Variants in PALMD observed in about 807,000 individuals in gnomAD.
PALMD encodes paralemmin-like protein.
In PALMD, 42 loss-of-function variants were observed where a neutral mutation model predicts 56.2. The ratio of observed to expected loss-of-function variants is 0.75; its 90% confidence interval spans 0.58 to 0.97. The LOEUF (loss-of-function observed/expected upper bound fraction) is 0.97. PALMD is among the 50% of genes least tolerant of loss of function. The pLI is 0.00. For synonymous variants in PALMD, 242 were observed against 222.9 expected, an observed-to-expected ratio of 1.09 and a Z score of -0.76; for missense variants, 660 against 643.8, an observed-to-expected ratio of 1.03 and a Z score of -0.27.
Position 99,688,756 on chromosome 1 carries a change from C to A in PALMD, c.515-19C>A. ...AAGAAAAGTTAACTAAATCAAAGAT[C>A]AAATTTGTTTCTTAACAGCTTTATA... On this transcript the variant is annotated intron_variant, in intron 6 of 7. Coordinates refer to ENST00000263174, the MANE Select transcript of PALMD (RefSeq NM_017734.5). 1 of 1,519,262 alleles carries A rather than the reference C, an allele frequency of 6.6e-7. No individual in the cohort carries two copies. The highest frequency in any genetic ancestry group is 8.9e-7 in the Non-Finnish European group (1 of 1,127,478). The allele number at this position is 1,519,262 out of a possible 1,614,324, so 94.1% of individuals were successfully genotyped here.
chr1:99,663,522 C>T (rs1025356125), intron 2 of PALMD, among the ~76,000 whole-genome samples: 2 of 152,140 alleles, frequency 1.3e-5, no homozygotes, highest in African/African-American at 4.8e-5. Context: ...CCATTTCTCA[C>T]TCCAAAACCA....
In PALMD at chr1:99,689,478, C is replaced by T; in HGVS notation, c.1218C>T (p.Asp406=). ...RYNIVHSLPP[D]INDTEPVTMI... is the part of the protein sequence containing the mutation. ...ATATCGTTCATTCCCTGCCTCCAGA[C>T]ATAAATGATACAGAACCGGTGACAA... The change falls in exon 7 of 8, where the codon GAC becomes GAT. Residue 406 remains aspartate (D), a synonymous_variant. Transcript: ENST00000263174. 1.2e-6 allele frequency: 2 copies of T among 1,613,748 alleles called. No individual in the cohort carries two copies. Among genetic ancestry groups the T allele is most frequent in the Non-Finnish European group, 1.7e-6 (2 of 1,179,824 alleles).
At chr1:99,653,659 C>G (rs1417556879) in intron 1 of PALMD, among the ~76,000 whole-genome samples, 1 of 152,098 alleles carries the variant, frequency 6.6e-6, no homozygotes, top group Non-Finnish European at 1.5e-5. Context: ...TCTTTATCCA[C>G]GTCCTCACTC....
intron 3 of PALMD, among the ~76,000 whole-genome samples, chr1:99,676,783 T>G (rs938981076): frequency 6.6e-6 from 1 of 151,266 alleles, no homozygotes; most frequent in Non-Finnish European, 1.5e-5. Context: ...CTTTAAAAAG[T>G]AAAAAAAGAA....
chr1:99,681,164 G>A (rs1049153912), intron 3 of PALMD, among the ~76,000 whole-genome samples: 2 of 149,576 alleles, frequency 1.3e-5, no homozygotes, highest in Non-Finnish European at 2.9e-5. Flanking sequence ...TATAGAGCCC[G>A]GACTTTAATC....
In PALMD at chr1:99,657,357, T is replaced by C. The variant is rs114683868; in HGVS notation, c.46-4962T>C. ...TGCTCTCTCGTCAGTTTCCTGAACA[T>C]AAGAGCCTGCATTCCATCTGACACT... On this transcript the variant is annotated intron_variant, in intron 1 of 7. Transcript: ENST00000263174. 4.4e-3 allele frequency among the ~76,000 whole-genome samples: 665 copies of C among 152,340 alleles called. 8 individuals are homozygous for C. Among genetic ancestry groups the C allele is most frequent in the African/African-American group, 0.015 (629 of 41,572 alleles).
At chr1:99,652,084 T>C (rs984780667) in intron 1 of PALMD, among the ~76,000 whole-genome samples, 2 of 152,248 alleles carry the variant, frequency 1.3e-5, no homozygotes, top group Non-Finnish European at 2.9e-5. Context: ...AATAAAACTT[T>C]CACATCCATT....
chr1:99,676,595 A>C (rs1433181236), intron 3 of PALMD, among the ~76,000 whole-genome samples: 1 of 152,000 alleles, frequency 6.6e-6, no homozygotes, highest in East Asian at 1.9e-4. Context: ...CTATATGTCC[A>C]TATATACACA....
intron 7 of PALMD, 143 bp downstream of exon 7, chr1:99,690,015 T>C (rs1333986805): frequency 3.1e-6 from 2 of 648,976 alleles, no homozygotes; most frequent in East Asian, 5.4e-5. Flanking sequence ...CTGATAGAGA[T>C]TATTATCACC....
At chr1:99,657,191 C>T (rs1259260420) in intron 1 of PALMD, among the ~76,000 whole-genome samples, 1 of 152,172 alleles carries the variant, frequency 6.6e-6, no homozygotes, top group Non-Finnish European at 1.5e-5. Flanking sequence ...TCTGATTCTT[C>T]ATCTCTCTCC....
chr1:99,660,981 T>A (rs546483022), intron 1 of PALMD, among the ~76,000 whole-genome samples: 1 of 152,344 alleles, frequency 6.6e-6, no homozygotes, highest in East Asian at 1.9e-4. Context: ...AATATGTTGC[T>A]TTTCTTCAAC....
At position 99,647,028 on chromosome 1, in the gene PALMD, G is replaced by A. The variant is rs561387953; in HGVS notation, c.45+666G>A. On this transcript the variant is annotated intron_variant, in intron 1 of 7. Transcript: ENST00000263174. ...ATTTGGAAAATATTTTGTTAATACCGAGAAGGAAAATCGTACATTTTTTAT... is the reference window on the plus strand; with the variant it reads ...ATTTGGAAAATATTTTGTTAATACCAAGAAGGAAAATCGTACATTTTTTAT... Among the ~76,000 whole-genome samples the A allele has an allele frequency of 1.1e-4, 16 of 152,166 alleles. No individual in the cohort carries two copies. In the East Asian group the frequency reaches 2.1e-3, roughly 20 times the overall value.
intron 3 of PALMD, 105 bp from the exon 4 acceptor site, chr1:99,686,571 C>G (rs2100874801): frequency 1.7e-6 from 1 of 598,692 alleles, no homozygotes; most frequent in East Asian, 2.7e-5. Flanking sequence ...TGTCTGGCTA[C>G]TTACATGCAT....
chr1:99,690,767 T>G (rs1023110600), intron 7 of PALMD, among the ~76,000 whole-genome samples: 2 of 152,170 alleles, frequency 1.3e-5, no homozygotes, highest in Non-Finnish European at 2.9e-5. Flanking sequence ...GTATGTTTGC[T>G]AGGGATAGTA....
intron 3 of PALMD, chr1:99,686,005 T>TG (rs1353852272): frequency 6.6e-6 from 1 of 152,320 alleles, no homozygotes; most frequent in African/African-American, 2.4e-5. Context: ...AAGTTCCTTA[T>TG]GCTGTGTCAG....
intron 1 of PALMD, among the ~76,000 whole-genome samples, chr1:99,657,603 T>G (rs1652755691): frequency 6.6e-6 from 1 of 152,166 alleles, no homozygotes; most frequent in Non-Finnish European, 1.5e-5. Flanking sequence ...TGCTTTTAAC[T>G]CTATCATTCT....
At chr1:99,670,959 C>T (rs1400956892) in intron 3 of PALMD, among the ~76,000 whole-genome samples, 2 of 152,166 alleles carry the variant, frequency 1.3e-5, no homozygotes, top group African/African-American at 4.8e-5. Context: ...TTCTCCTAAA[C>T]AAGTACCCAC....
At chr1:99,686,575 C>T (rs1653500988) in intron 3 of PALMD, 101 bp from the exon 4 acceptor site, 3 of 610,006 alleles carry the variant, frequency 4.9e-6, no homozygotes, top group South Asian at 4.7e-5. Flanking sequence ...TGGCTACTTA[C>T]ATGCATATTC....
chr1:99,666,741 A>G (rs1010817714), intron 2 of PALMD, among the ~76,000 whole-genome samples: 2 of 152,180 alleles, frequency 1.3e-5, no homozygotes, highest in African/African-American at 4.8e-5. Context: ...TGAAAATAAC[A>G]TGACCATACA....
Sources: allele counts gnomAD v4.1 joint callset (sites outside exome capture counted in the v4.1 genomes callset), GRCh38; gene constraint gnomAD v4.1.1; transcripts MANE v1.5; gene names NCBI Gene and HGNC (gene_info 2026-07-23, HGNC 2026-07-21).